Variants in RETREG1 observed in about 807,000 individuals in gnomAD.
The protein encoded by RETREG1 is family with sequence similarity 134 member B.
A neutral mutation model predicts 54.8 loss-of-function variants in RETREG1; 44 were observed. That is an observed-to-expected ratio of 0.80 (90% CI 0.63 to 1.03). The LOEUF is 1.03. RETREG1 is among the 50% of genes least tolerant of loss of function. The pLI is 0.00. For synonymous variants in RETREG1, 217 were observed against 238.5 expected (o/e 0.91, Z 0.83); for missense variants, 554 against 605.1 (o/e 0.92, Z 0.89).
At chr5:16,476,148 T>C (rs906813690) in intron 8 of RETREG1, among the ~76,000 whole-genome samples, 7 of 152,144 alleles carry the variant, frequency 4.6e-5, no homozygotes, top group African/African-American at 1.7e-4. Context: ...GTGAGGAAAT[T>C]GAGATCCACA....
At chr5:16,504,049 C>G (rs1386627544) in intron 3 of RETREG1, among the ~76,000 whole-genome samples, 1 of 152,132 alleles carries the variant, frequency 6.6e-6, no homozygotes, top group Non-Finnish European at 1.5e-5. Flanking sequence ...CTAATGCTCT[C>G]CCTCCCCCCA....
chr5:16,515,399 T>C (rs1295004710), intron 3 of RETREG1, among the ~76,000 whole-genome samples: 1 of 152,238 alleles, frequency 6.6e-6, no homozygotes, highest in Non-Finnish European at 1.5e-5. Flanking sequence ...CAATCTGTTT[T>C]CTTCATATAA....
At chr5:16,522,518 A>T (rs1463148161) in intron 3 of RETREG1, among the ~76,000 whole-genome samples, 1 of 152,194 alleles carries the variant, frequency 6.6e-6, no homozygotes, top group Non-Finnish European at 1.5e-5. Flanking sequence ...GAGCTTTAAA[A>T]ATAGAGTAAA....
intron 3 of RETREG1, among the ~76,000 whole-genome samples, chr5:16,530,732 G>A (rs1321226979): frequency 6.6e-6 from 1 of 152,134 alleles, no homozygotes; most frequent in African/African-American, 2.4e-5. Context: ...AATTAGCTGG[G>A]TGTGGAGGCG....
At chr5:16,482,336 T>G (rs1738809789) in intron 4 of RETREG1, among the ~76,000 whole-genome samples, 1 of 151,944 alleles carries the variant, frequency 6.6e-6, no homozygotes, top group Admixed American at 6.6e-5. Context: ...TGGGGCACAT[T>G]AATGCAACCC....
At position 16,596,014 on chromosome 5, in the gene RETREG1, C is replaced by A. The variant is rs576538781; in HGVS notation, c.320+20638G>T. 2.6e-4 allele frequency among the ~76,000 whole-genome samples: 40 copies of A among 152,258 alleles called. 1 individual carries two copies. The South Asian group carries it at 7.9e-3, about 30-fold the overall frequency. ...ATGTTCACTGTCTCAACACTTAGTGCATGTAGTTTAAAAAAGAGGTCAGGA... is the reference window on the plus strand; with the variant it reads ...ATGTTCACTGTCTCAACACTTAGTGAATGTAGTTTAAAAAAGAGGTCAGGA... On this transcript the variant is annotated intron_variant, in intron 1 of 8. Coordinates refer to ENST00000306320, the MANE Select transcript of RETREG1 (RefSeq NM_001034850.3).
intron 1 of RETREG1, among the ~76,000 whole-genome samples, chr5:16,580,965 G>A (rs534882027): frequency 8.7e-4 from 132 of 152,252 alleles, no homozygotes; most frequent in African/African-American, 3.0e-3. Context: ...CTAGTCACCC[G>A]CTGAATGCAC....
At chr5:16,489,159 C>T (rs1276570817) in intron 3 of RETREG1, among the ~76,000 whole-genome samples, 1 of 148,738 alleles carries the variant, frequency 6.7e-6, no homozygotes, top group African/African-American at 2.5e-5. Flanking sequence ...GATTCAACCG[C>T]CAACTGTAGG....
At chr5:16,527,789 G>A (rs892854843) in intron 3 of RETREG1, among the ~76,000 whole-genome samples, 3 of 110,518 alleles carry the variant, frequency 2.7e-5, no homozygotes, top group Admixed American at 1.8e-4. Flanking sequence ...GTACAATTTC[G>A]AGGGACTCTA....
chr5:16,557,364 A>G (rs1455753124), intron 3 of RETREG1, among the ~76,000 whole-genome samples: 1 of 152,200 alleles, frequency 6.6e-6, no homozygotes, highest in African/African-American at 2.4e-5. Context: ...AGTTCTCCAC[A>G]TCCTTTTATT....
At chr5:16,560,845 C>T (rs567326852) in intron 3 of RETREG1, among the ~76,000 whole-genome samples, 12 of 152,224 alleles carry the variant, frequency 7.9e-5, no homozygotes, top group East Asian at 1.9e-4. Flanking sequence ...GACAACATAT[C>T]GAATCATCAA....
At chr5:16,530,349 C>G in intron 3 of RETREG1, among the ~76,000 whole-genome samples, 1 of 152,212 alleles carries the variant, frequency 6.6e-6, no homozygotes, top group East Asian at 1.9e-4. Context: ...GCTCTACCAC[C>G]TACTGGCTGT....
chr5:16,561,898 T>A lies in RETREG1; in HGVS notation c.458+3865A>T, dbSNP rs999150290. ...TGAAAGAACCCTGAGTCAAAGAGCA[T>A]GGAGTGCTTTTTCAAATCCACTGAA... On this transcript the variant is annotated intron_variant, in intron 3 of 8. Transcript: ENST00000306320. The surrounding 1 kb of genome is among the most constrained non-coding windows in gnomAD (Gnocchi z 4.2). Among the ~76,000 whole-genome samples the A allele has an allele frequency of 6.6e-6, 1 of 152,176 alleles. No homozygotes were observed. The highest frequency in any genetic ancestry group is 2.4e-5 in the African/African-American group (1 of 41,438).
At position 16,504,181 on chromosome 5, in the gene RETREG1, C is replaced by T. The variant is rs1271169732; in HGVS notation, c.459-20709G>A. Among the ~76,000 whole-genome samples the T allele has an allele frequency of 3.3e-5, 5 of 152,068 alleles. No individual in the cohort carries two copies. In the East Asian group the frequency reaches 7.7e-4, roughly 23 times the overall value. ...TTGGTTTTCTGTTCCTGCATTAGTT[C>T]GCCGAGGATAACGGCTTCCAGCTCC... On this transcript the variant is annotated intron_variant, in intron 3 of 8. Coordinates refer to ENST00000306320, the MANE Select transcript of RETREG1 (RefSeq NM_001034850.3).
At chr5:16,516,978 C>T (rs528059540) in intron 3 of RETREG1, among the ~76,000 whole-genome samples, 1 of 152,158 alleles carries the variant, frequency 6.6e-6, no homozygotes, top group East Asian at 1.9e-4. Context: ...GATTTCTAAA[C>T]CGTATATGTG....
chr5:16,597,016 A>T lies in RETREG1; in HGVS notation c.320+19636T>A, dbSNP rs965924941. On this transcript the variant is annotated intron_variant, in intron 1 of 8. Coordinates refer to ENST00000306320, the MANE Select transcript of RETREG1 (RefSeq NM_001034850.3). The surrounding 1 kb of genome is among the most constrained non-coding windows in gnomAD (Gnocchi z 4.3). ...CTAGAAGTCATCAGTCAATAGTTAG[A>T]CTACTGACATTTGTCAGACAACAGA... is the stretch of plus-strand genomic sequence containing the variant. Among the ~76,000 whole-genome samples the T allele has an allele frequency of 1.3e-5, 2 of 152,230 alleles. No homozygotes were observed. The highest frequency in any genetic ancestry group is 6.5e-5 in the Admixed American group (1 of 15,282).
intron 3 of RETREG1, among the ~76,000 whole-genome samples, chr5:16,517,099 G>A (rs999038913): frequency 2.6e-5 from 4 of 152,014 alleles, no homozygotes; most frequent in Non-Finnish European, 5.9e-5. Context: ...GTCTTAGAAT[G>A]AGGAGGAAGA....
At chr5:16,598,380 C>T (rs529217998) in intron 1 of RETREG1, among the ~76,000 whole-genome samples, 4 of 152,176 alleles carry the variant, frequency 2.6e-5, no homozygotes, top group Non-Finnish European at 4.4e-5. Context: ...AAGAAGACAC[C>T]GTGTCCCCAG....
At chr5:16,591,505 A>C (rs780596970) in intron 1 of RETREG1, among the ~76,000 whole-genome samples, 1 of 148,622 alleles carries the variant, frequency 6.7e-6, no homozygotes, top group Non-Finnish European at 1.5e-5. Context: ...AAAAGGAGCT[A>C]TAACAGGAGG....
Sources: allele counts gnomAD v4.1 joint callset (sites outside exome capture counted in the v4.1 genomes callset), GRCh38; gene constraint gnomAD v4.1.1; non-coding constraint Gnocchi (gnomAD v3.1); transcripts MANE v1.5; gene names NCBI Gene and HGNC (gene_info 2026-07-23, HGNC 2026-07-21).